GGN: variants seen among roughly 807,000 people sequenced by gnomAD.
GGN encodes the protein gametogenetin.
A neutral mutation model predicts 35.5 loss-of-function variants in GGN; 27 were observed. The ratio of observed to expected loss-of-function variants is 0.76; its 90% confidence interval spans 0.56 to 1.05. The LOEUF is 1.05. Ranked by LOEUF, GGN falls within the 50% of genes least tolerant of loss-of-function variation. The pLI, the probability that GGN is intolerant of heterozygous loss-of-function variation, is 0.00. For missense variants in GGN, 1,006 were observed against 940.7 expected, an observed-to-expected ratio of 1.07 and a Z score of -0.91; for synonymous variants, 425 against 444.1, an observed-to-expected ratio of 0.96 and a Z score of 0.54.
At position 38,386,878 on chromosome 19, in the gene GGN, C is replaced by T. The variant is rs1417572661; in HGVS notation, c.384G>A (p.Ala128=). 3 of 1,581,686 alleles carry T rather than the reference C, an allele frequency of 1.9e-6. No homozygotes were observed. The highest frequency in any genetic ancestry group is 2.7e-5 in the African/African-American group (2 of 73,778). ...PVPRIRRLLE[A]SHRGQGDPPS... is the part of the protein sequence containing the mutation. ...GAGGGTCGCCCTGGCCGCGATGGCTCGCCTCCAGCAGGCGGCGGATCCGGG... is the reference window on the plus strand; with the variant it reads ...GAGGGTCGCCCTGGCCGCGATGGCTTGCCTCCAGCAGGCGGCGGATCCGGG... Residue 128 remains alanine, a synonymous_variant, in exon 3 of 4, where the codon GCG becomes GCA. Transcript: ENST00000334928.
chr19:38,386,485 C>T lies in GGN; in HGVS notation c.777G>A (p.Ser259=), dbSNP rs201348776. 8.1e-6 allele frequency: 13 copies of T among 1,612,904 alleles called. No homozygotes were observed. The highest frequency in any genetic ancestry group is 6.7e-5 in the African/African-American group (5 of 75,068). ...SRPSLAPPAA[S]SSLAAKASLG... ...GCGAAGCTTTGGCTGCTAAGGAACTCGAGGCTGCCGGAGGGGCCAAAGAGG... is the reference window on the plus strand; with the variant it reads ...GCGAAGCTTTGGCTGCTAAGGAACTTGAGGCTGCCGGAGGGGCCAAAGAGG... The change falls in exon 3 of 4, where the codon TCG becomes TCA. Residue 259 remains serine, a synonymous_variant. Transcript: ENST00000334928.
Position 38,387,769 on chromosome 19 carries a change from C to G in GGN, c.-28G>C, listed in dbSNP as rs1970758760. The stretch of plus-strand genomic sequence containing the variant: ...CAGAGGAACCCACTCACCGAGTCCT[C>G]CAGCCGAGCAGAGTTCAGACCGCGG... On this transcript the variant is annotated 5_prime_UTR_variant, in exon 2 of 4. Coordinates refer to ENST00000334928, the MANE Select transcript of GGN (RefSeq NM_152657.4). This position sits in a 1 kb window ranked among gnomAD's most constrained non-coding sequence, Gnocchi z 5.3. 1 of 157,632 alleles carries G rather than the reference C, an allele frequency of 6.3e-6. No homozygotes were observed. Among genetic ancestry groups the G allele is most frequent in the African/African-American group, 2.4e-5 (1 of 41,610 alleles). 9.8% of individuals were successfully genotyped at this position (157,632 alleles called of 1,614,324 possible). A position where few individuals can be genotyped will look rare whatever the true frequency, so the allele number is the denominator to read the frequency against.
Position 38,385,532 on chromosome 19 carries a change from G to T in GGN, c.1730C>A (p.Thr577Asn). 6.2e-7 allele frequency: 1 copy of T among 1,614,128 alleles called. No individual in the cohort carries two copies. The highest frequency in any genetic ancestry group is 1.1e-5 in the South Asian group (1 of 91,078). ...GGGCAGCCAGTGGCGCGCAGCGCGG[G>T]TGTTAGCTGCCCCAGTCTGAGAGGC... is the stretch of plus-strand genomic sequence containing the variant. Reference protein sequence around the residue: ...SGASQTGAANTRAARHWLPFQ... With the variant: ...SGASQTGAANNRAARHWLPFQ... The change falls in exon 3 of 4, where the codon ACC becomes AAC. Residue 577 changes from threonine (T) to asparagine (N), a missense_variant. Physicochemically the swap from Thr to Asn is moderately conservative, Grantham distance 65. Coordinates refer to ENST00000334928, the MANE Select transcript of GGN (RefSeq NM_152657.4).
chr19:38,388,239 C>A (rs933409527), upstream of GGN, among the ~76,000 whole-genome samples: 4 of 152,154 alleles, frequency 2.6e-5, no homozygotes, highest in South Asian at 2.1e-4. Context: ...AAGACCCTCT[C>A]CTTCCCCCCG....
chr19:38,385,794 C>T lies in GGN; in HGVS notation c.1468G>A (p.Ala490Thr), dbSNP rs770824958. 5 of 1,513,558 alleles carry T rather than the reference C, an allele frequency of 3.3e-6. No individual in the cohort carries two copies. The South Asian group carries it at 3.6e-5, about 11-fold the overall frequency. 93.8% of individuals were successfully genotyped at this position (1,513,558 alleles called of 1,614,324 possible). Residue 490 changes from alanine (A) to threonine (T), a missense_variant, in exon 3 of 4, where the codon GCC becomes ACC. Physicochemically the swap from Ala to Thr is moderately conservative, Grantham distance 58. Transcript: ENST00000334928. Reference sequence around the variant, plus strand: ...GGGGATGGGGCCGGGGCCTGGTCGGCGGCTAAGGCTGGGGGCAGAGCAGGG... The same window carrying T: ...GGGGATGGGGCCGGGGCCTGGTCGGTGGCTAAGGCTGGGGGCAGAGCAGGG... ...AAPALPPALAADQAPAPSPAP... is the reference protein window; with the variant it reads ...AAPALPPALATDQAPAPSPAP...
At position 38,385,824 on chromosome 19, in the gene GGN, C is replaced by G. The variant is rs11083455; in HGVS notation, c.1438G>C (p.Ala480Pro). The G allele has an allele frequency of 0.12, 182,258 of 1,537,334 alleles. 14,470 individuals carry two copies. Among genetic ancestry groups the G allele is most frequent in the East Asian group, 0.44 (18,117 of 40,728 alleles). The stretch of plus-strand genomic sequence containing the variant: ...AAGGCTGGGGGCAGAGCAGGGGCTG[C>G]GGTGGGAGCCAGGGCTGACTCCTTG... The part of the protein sequence containing the change: ...GHKESALAPT[A>P]APALPPALAA... Residue 480 changes from alanine (A) to proline (P), a missense_variant, in exon 3 of 4, where the codon GCA becomes CCA. Ala to Pro is a conservative substitution (Grantham distance 27). Transcript: ENST00000334928.
At chr19:38,388,353 C>T, upstream of GGN, 1 of 397,134 alleles carries the variant, frequency 2.5e-6, no homozygotes. Context: ...CCTCCAACCC[C>T]ACCCACTTGT....
In GGN at chr19:38,384,519, A is replaced by T. The variant is rs145910727; in HGVS notation, c.1852T>A (p.Ser618Thr). 1 of 1,613,796 alleles carries T rather than the reference A, an allele frequency of 6.2e-7. No individual in the cohort carries two copies. Among genetic ancestry groups the T allele is most frequent in the Non-Finnish European group, 8.5e-7 (1 of 1,179,896 alleles). The change falls in exon 4 of 4, where the codon TCC becomes ACC. Residue 618 changes from serine to threonine, a missense_variant. Transcript: ENST00000334928. ...GGTGGCTCGCCCAGGTGGTTGGTGG[A>T]TGTGCTCAGCCTAGTGGGGGAGGGT... ...PRNVSAWLST[S>T]TNHLGEPPWV...
At position 38,386,899 on chromosome 19, in the gene GGN, C is replaced by G; in HGVS notation, c.363G>C (p.Arg121=). Residue 121 remains arginine (R), a synonymous_variant, in exon 3 of 4, where the codon CGG becomes CGC. Transcript: ENST00000334928. ...GGCTCGCCTCCAGCAGGCGGCGGAT[C>G]CGGGGAACTGGAGTGCCCGCGGGCT... The part of the protein sequence containing the change: ...WQKPAGTPVP[R]IRRLLEASHR... 6.4e-7 allele frequency: 1 copy of G among 1,566,074 alleles called. No homozygotes were observed. The highest frequency in any genetic ancestry group is 1.2e-5 in the South Asian group (1 of 85,432).
chr19:38,384,351 A>C lies in GGN; in HGVS notation c.*61T>G. 1 of 1,234,382 alleles carries C rather than the reference A, an allele frequency of 8.1e-7. No homozygotes were observed. Among genetic ancestry groups the C allele is most frequent in the Non-Finnish European group, 1.2e-6 (1 of 839,694 alleles). 76.5% of individuals were successfully genotyped at this position (1,234,382 alleles called of 1,614,324 possible). ...GGCGAGTGATTGACAGGCTGCTGGC[A>C]TCTGGATTGGTTATTTTATTGGCAT... is the stretch of plus-strand genomic sequence containing the variant. On this transcript the variant is annotated 3_prime_UTR_variant, in exon 4 of 4. Coordinates refer to ENST00000334928, the MANE Select transcript of GGN (RefSeq NM_152657.4).
Position 38,386,122 on chromosome 19 carries a change from C to T in GGN, c.1140G>A (p.Ala380=). ...GGGIGAPRRR[A]AALSGPWGSP... Reference sequence around the variant, plus strand: ...AGCCCCAAGGCCCAGAGAGTGCGGCCGCACGCCGTCGCGGCGCCCCGATGC... The same window carrying T: ...AGCCCCAAGGCCCAGAGAGTGCGGCTGCACGCCGTCGCGGCGCCCCGATGC... Residue 380 remains alanine, a synonymous_variant, in exon 3 of 4, where the codon GCG becomes GCA. Transcript: ENST00000334928. 6.3e-7 allele frequency: 1 copy of T among 1,580,260 alleles called. No homozygotes were observed. Among genetic ancestry groups the T allele is most frequent in the East Asian group, 2.3e-5 (1 of 43,446 alleles).
In GGN at chr19:38,386,225, C is replaced by A. The variant is rs764968959; in HGVS notation, c.1037G>T (p.Gly346Val). 1.2e-6 allele frequency: 2 copies of A among 1,608,186 alleles called. No individual in the cohort carries two copies. The highest frequency in any genetic ancestry group is 1.7e-4 in the Middle Eastern group (1 of 6,058). ...AACCCAGTCGAATTTGGGCTTCGAG[C>A]CTGGGAAGGTGGTGTAGGGTGGCGG... ...LPPPPYTTFPGSKPKFDWVSA... is the reference protein window; with the variant it reads ...LPPPPYTTFPVSKPKFDWVSA... The change falls in exon 3 of 4, where the codon GGC becomes GTC. Residue 346 changes from glycine to valine, a missense_variant. Gly to Val is a moderately radical substitution (Grantham distance 109). Transcript: ENST00000334928.
At position 38,386,579 on chromosome 19, in the gene GGN, T is replaced by G. The variant is rs1444516134; in HGVS notation, c.683A>C (p.Glu228Ala). Residue 228 changes from glutamate (E) to alanine (A), a missense_variant, in exon 3 of 4, where the codon GAA (glutamate) becomes GCA (alanine). Coordinates refer to ENST00000334928, the MANE Select transcript of GGN (RefSeq NM_152657.4). ...CTCGGAATCCGCAGGCTGGGCCATT[T>G]CGCCTTCGCCCGCATGGGGAGGCGC... ...GGAPPHAGEG[E>A]MAQPADSESG... The G allele has an allele frequency of 1.2e-6, 2 of 1,613,550 alleles. No homozygotes were observed. Among genetic ancestry groups the G allele is most frequent in the South Asian group, 2.2e-5 (2 of 91,084 alleles).
chr19:38,386,213 T>A lies in GGN; in HGVS notation c.1049A>T (p.Lys350Ile). 1 of 1,606,426 alleles carries A rather than the reference T, an allele frequency of 6.2e-7. No individual in the cohort carries two copies. The highest frequency in any genetic ancestry group is 8.5e-7 in the Non-Finnish European group (1 of 1,179,112). The change falls in exon 3 of 4, where the codon AAA (lysine) becomes ATA (isoleucine). Residue 350 changes from lysine (K) to isoleucine (I), a missense_variant. Transcript: ENST00000334928. Reference sequence around the variant, plus strand: ...GTCGGGAGCGCTAACCCAGTCGAATTTGGGCTTCGAGCCTGGGAAGGTGGT... The same window carrying A: ...GTCGGGAGCGCTAACCCAGTCGAATATGGGCTTCGAGCCTGGGAAGGTGGT... ...PYTTFPGSKP[K>I]FDWVSAPDGP...
At position 38,386,638 on chromosome 19, in the gene GGN, G is replaced by A. The variant is rs1377844909; in HGVS notation, c.624C>T (p.Asn208=). 6.2e-7 allele frequency: 1 copy of A among 1,612,280 alleles called. No individual in the cohort carries two copies. Among genetic ancestry groups the A allele is most frequent in the East Asian group, 2.2e-5 (1 of 44,828 alleles). ...GAGCCCTGCCGGCCGTCTGGCCCTGGTTGCGGGGCCCAGCCTGGCTTTCTG... is the reference window on the plus strand; with the variant it reads ...GAGCCCTGCCGGCCGTCTGGCCCTGATTGCGGGGCCCAGCCTGGCTTTCTG... The part of the protein sequence containing the change: ...PPTESQAGPR[N]QGQTAGRARG... The change falls in exon 3 of 4, where the codon AAC becomes AAT. Residue 208 remains asparagine, a synonymous_variant. Coordinates refer to ENST00000334928, the MANE Select transcript of GGN (RefSeq NM_152657.4).
chr19:38,384,588 C>G, intron 3 of GGN, 59 bp from the exon 4 acceptor site: 1 of 1,234,738 alleles, frequency 8.1e-7, no homozygotes, highest in African/African-American at 1.5e-5. Flanking sequence ...TCTAGCCCTT[C>G]TAGGGCCTCC....
rs1970715528 is a variant in GGN at position 38,386,125 on chromosome 19, A to G, written c.1137T>C (p.Arg379=). 5.1e-6 allele frequency: 8 copies of G among 1,581,678 alleles called. No homozygotes were observed. In the Middle Eastern group the frequency reaches 5.0e-4, roughly 98 times the overall value. The part of the protein sequence containing the change: ...AGGGIGAPRR[R]AAALSGPWGS... Reference sequence around the variant, plus strand: ...CCCAAGGCCCAGAGAGTGCGGCCGCACGCCGTCGCGGCGCCCCGATGCCTC... The same window carrying G: ...CCCAAGGCCCAGAGAGTGCGGCCGCGCGCCGTCGCGGCGCCCCGATGCCTC... The change falls in exon 3 of 4, where the codon CGT becomes CGC. Residue 379 remains arginine (R), a synonymous_variant. Coordinates refer to ENST00000334928, the MANE Select transcript of GGN (RefSeq NM_152657.4).
rs1005241620 is a variant in GGN at position 38,387,332 on chromosome 19, C to A, written c.-19-52G>T. 8.7e-6 allele frequency: 13 copies of A among 1,490,064 alleles called. No homozygotes were observed. The highest frequency in any genetic ancestry group is 9.8e-6 in the Non-Finnish European group (11 of 1,122,296). The allele number at this position is 1,490,064 out of a possible 1,614,324, so 92.3% of individuals were successfully genotyped here. A position where few individuals can be genotyped will look rare whatever the true frequency, so the allele number is the denominator to read the frequency against. ...GCCTGCCAGGGCCGTGGGGACCCTA[C>A]GAGGCTGGCTGTACTTGATCTAATG... On this transcript the variant is annotated intron_variant, in intron 2 of 3. Coordinates refer to ENST00000334928, the MANE Select transcript of GGN (RefSeq NM_152657.4). This position sits in a 1 kb window ranked among gnomAD's most constrained non-coding sequence, Gnocchi z 5.3.
rs1226508825 is a variant in GGN, at chr19:38,386,909, G to C, written c.353C>G (p.Pro118Arg). ...CAGCAGGCGGCGGATCCGGGGAACT[G>C]GAGTGCCCGCGGGCTTTTGCCATTT... is the stretch of plus-strand genomic sequence containing the variant. ...PSKWQKPAGTPVPRIRRLLEA... is the reference protein window; with the variant it reads ...PSKWQKPAGTRVPRIRRLLEA... The change falls in exon 3 of 4, where the codon CCA (proline) becomes CGA (arginine). Residue 118 changes from proline to arginine, a missense_variant. Physicochemically the swap from Pro to Arg is moderately radical, Grantham distance 103 (BLOSUM62 -2). Coordinates refer to ENST00000334928, the MANE Select transcript of GGN (RefSeq NM_152657.4). 6.4e-7 allele frequency: 1 copy of C among 1,557,798 alleles called. No individual in the cohort carries two copies. The highest frequency in any genetic ancestry group is 1.9e-5 in the Admixed American group (1 of 52,114).
Sources: gnomAD v4.1 joint callset for allele counts (sites outside exome capture counted in the v4.1 genomes callset) on GRCh38, gnomAD v4.1.1 for gene constraint, Gnocchi (gnomAD v3.1) non-coding constraint, MANE v1.5 for transcripts, NCBI Gene and HGNC (gene_info 2026-07-23, HGNC 2026-07-21) for gene names.